IL1RAPL1: variants seen among roughly 807,000 people sequenced by gnomAD.
IL1RAPL1 encodes the protein interleukin-1 receptor accessory protein-like 1.
IL1RAPL1 carries 3 observed loss-of-function variants against 48.4 expected under a neutral mutation model. That is an observed-to-expected ratio of 0.06 (90% CI 0.03 to 0.16). The LOEUF is 0.16. Among genes scored for constraint, IL1RAPL1 ranks in the 10% least tolerant of loss-of-function variants. The pLI is 1.00. For missense variants in IL1RAPL1, 349 were observed against 530.6 expected (o/e 0.66, Z 3.36); for synonymous variants, 185 against 187.7 (o/e 0.99, Z 0.12).
At chrX:29,809,192 G>A (rs1217223651) in intron 6 of IL1RAPL1, among the ~76,000 whole-genome samples, 1 of 107,707 alleles carries the variant, frequency 9.3e-6, no homozygotes, top group Non-Finnish European at 1.9e-5. Flanking sequence ...CTGCCTCCCG[G>A]GTTCAAGCGA....
intron 5 of IL1RAPL1, among the ~76,000 whole-genome samples, chrX:29,402,306 A>C (rs1420102658): frequency 9.1e-6 from 1 of 109,736 alleles, no homozygotes; most frequent in Non-Finnish European, 1.9e-5. Flanking sequence ...CCTGATTCTC[A>C]CCCTTTCTTC....
intron 6 of IL1RAPL1, among the ~76,000 whole-genome samples, chrX:29,744,876 G>A (rs546627812): frequency 8.9e-6 from 1 of 112,118 alleles, no homozygotes; most frequent in South Asian, 3.7e-4. Context: ...ACAGAATAAA[G>A]TTAACATGAA....
chrX:29,330,142 C>T (rs949747967), intron 3 of IL1RAPL1, among the ~76,000 whole-genome samples: 2 of 111,548 alleles, frequency 1.8e-5, no homozygotes, highest in Non-Finnish European at 3.8e-5. Flanking sequence ...CTGAATTATA[C>T]ACTTTAAATG....
intron 3 of IL1RAPL1, among the ~76,000 whole-genome samples, chrX:29,343,680 A>G (rs944473213): frequency 8.9e-6 from 1 of 112,191 alleles, no homozygotes; most frequent in Admixed American, 9.5e-5. Context: ...GAAACACTCC[A>G]TAAAGTGCGA....
intron 2 of IL1RAPL1, among the ~76,000 whole-genome samples, chrX:29,109,378 C>G (rs1202631185): frequency 9.3e-6 from 1 of 107,200 alleles, no homozygotes; most frequent in African/African-American, 3.4e-5. Context: ...GGAAATGACT[C>G]AAACCATCCA....
chrX:28,998,969 G>A (rs1011705870), intron 2 of IL1RAPL1, among the ~76,000 whole-genome samples: 8 of 111,546 alleles, frequency 7.2e-5, no homozygotes, highest in African/African-American at 2.6e-4. Flanking sequence ...TCTAGCTCAG[G>A]AATTTAGGCA....
At chrX:29,097,494 A>G (rs1428530821) in intron 2 of IL1RAPL1, among the ~76,000 whole-genome samples, 1 of 111,890 alleles carries the variant, frequency 8.9e-6, no homozygotes, top group East Asian at 2.8e-4. Context: ...ACTTGAAAAC[A>G]ACAGTATAAA....
chrX:29,767,612 T>A, intron 6 of IL1RAPL1, among the ~76,000 whole-genome samples: 1 of 112,039 alleles, frequency 8.9e-6, no homozygotes, highest in East Asian at 2.8e-4. Context: ...TTTACATAGC[T>A]ATTGATTTTC....
chrX:29,389,096 T>C (rs1431978546), intron 3 of IL1RAPL1, among the ~76,000 whole-genome samples: 1 of 111,192 alleles, frequency 9.0e-6, no homozygotes, highest in Non-Finnish European at 1.9e-5. Flanking sequence ...GTGGCTCACA[T>C]CTGTAATTCC....
intron 3 of IL1RAPL1, among the ~76,000 whole-genome samples, chrX:29,303,287 T>C (rs772077778): frequency 1.5e-3 from 162 of 111,372 alleles, no homozygotes; most frequent in African/African-American, 4.5e-3. Flanking sequence ...AGTTTGGGAG[T>C]GCTACTAGGC....
chrX:29,753,087 C>T (rs1051135430), intron 6 of IL1RAPL1, among the ~76,000 whole-genome samples: 4 of 111,455 alleles, frequency 3.6e-5, no homozygotes, highest in African/African-American at 6.5e-5. Flanking sequence ...CAGGTAATTG[C>T]GGGTAGATTG....
At chrX:29,051,196 G>A (rs144677691) in intron 2 of IL1RAPL1, among the ~76,000 whole-genome samples, 1,227 of 112,044 alleles carry the variant, frequency 0.011, 8 homozygotes, top group Non-Finnish European at 0.018. Flanking sequence ...ACATAACAGT[G>A]TCGATATCTT....
chrX:29,117,079 A>C (rs995595783), intron 2 of IL1RAPL1, among the ~76,000 whole-genome samples: 1 of 111,395 alleles, frequency 9.0e-6, no homozygotes, highest in African/African-American at 3.3e-5. Context: ...AAGAAGATGT[A>C]ATTGTGTGAT....
At chrX:29,239,628 C>T (rs1031325612) in intron 2 of IL1RAPL1, among the ~76,000 whole-genome samples, 5 of 112,091 alleles carry the variant, frequency 4.5e-5, no homozygotes, top group African/African-American at 1.6e-4. Flanking sequence ...TTGTCCAACA[C>T]GTGGCCTGCG....
intron 6 of IL1RAPL1, among the ~76,000 whole-genome samples, chrX:29,675,028 C>T (rs749960125): frequency 3.6e-5 from 4 of 112,237 alleles, no homozygotes; most frequent in Non-Finnish European, 5.6e-5. Context: ...CTGCAATGAA[C>T]ATATGCATTC....
At chrX:29,905,262 A>ATATT (rs1932585381) in intron 6 of IL1RAPL1, among the ~76,000 whole-genome samples, 1 of 109,636 alleles carries the variant, frequency 9.1e-6, no homozygotes, top group Non-Finnish European at 1.9e-5. Context: ...TAGATTCTGG[A>ATATT]TATTAGACCT....
chrX:29,942,764 C>T (rs757962016), intron 9 of IL1RAPL1, among the ~76,000 whole-genome samples: 61 of 109,465 alleles, frequency 5.6e-4, no homozygotes, highest in Non-Finnish European at 8.0e-4. Flanking sequence ...GGATTACAGG[C>T]GCCCGTCATC....
intron 5 of IL1RAPL1, among the ~76,000 whole-genome samples, chrX:29,534,765 G>A (rs1257107461): frequency 5.4e-5 from 6 of 110,308 alleles, no homozygotes. Context: ...TCAGGAGATC[G>A]AGACCATCCT....
chrX:29,380,477 T>C (rs1933682604), intron 3 of IL1RAPL1, among the ~76,000 whole-genome samples: 1 of 111,946 alleles, frequency 8.9e-6, no homozygotes, highest in African/African-American at 3.2e-5. Context: ...TCCACCCGCC[T>C]TGGCCTCCCA....
Sources: allele counts gnomAD v4.1 joint callset (sites outside exome capture counted in the v4.1 genomes callset), GRCh38; gene constraint gnomAD v4.1.1; transcripts MANE v1.5; gene names NCBI Gene and HGNC (gene_info 2026-07-23, HGNC 2026-07-21).